Variants in NUAK1 observed in about 807,000 individuals in gnomAD.
The protein encoded by NUAK1 is NUAK family SNF1-like kinase 1.
A neutral mutation model predicts 56.9 loss-of-function variants in NUAK1; 26 were observed. That is an observed-to-expected ratio of 0.46 (90% CI 0.33 to 0.63). NUAK1 has a LOEUF of 0.63. Among genes scored for constraint, NUAK1 ranks in the 30% least tolerant of loss-of-function variants. The pLI is 0.02. For synonymous variants in NUAK1, 337 were observed against 336.0 expected (o/e 1.00, Z -0.03); for missense variants, 727 against 876.1 (o/e 0.83, Z 2.15).
chr12:106,112,250 C>G (rs2032867320), intron 1 of NUAK1, among the ~76,000 whole-genome samples: 2 of 152,064 alleles, frequency 1.3e-5, no homozygotes, highest in African/African-American at 2.4e-5. Flanking sequence ...GATCTCATAC[C>G]CAGGCACGTT....
chr12:106,072,889 TTA>T (rs753585273), intron 4 of NUAK1, 46 bp from the exon 5 acceptor site: 2 of 1,609,798 alleles, frequency 1.2e-6, no homozygotes, highest in East Asian at 4.5e-5. Flanking sequence ...GCATTCCAGA[TTA>T]TGTCTGTGTT....
chr12:106,124,157 G>A (rs1423417026), intron 1 of NUAK1, among the ~76,000 whole-genome samples: 1 of 152,108 alleles, frequency 6.6e-6, no homozygotes, highest in African/African-American at 2.4e-5. Context: ...TCTGCGGTTT[G>A]CAAAAAGCAT....
In NUAK1 at chr12:106,067,462, G is replaced by C; in HGVS notation, c.1326C>G (p.Leu442=). 1 of 1,614,222 alleles carries C rather than the reference G, an allele frequency of 6.2e-7. No individual in the cohort carries two copies. Among genetic ancestry groups the C allele is most frequent in the Non-Finnish European group, 8.5e-7 (1 of 1,180,052 alleles). The change falls in exon 7 of 7, where the codon CTC becomes CTG. Residue 442 remains leucine, a synonymous_variant. Coordinates refer to ENST00000261402, the MANE Select transcript of NUAK1 (RefSeq NM_014840.3). The surrounding 1 kb of genome is among the most constrained non-coding windows in gnomAD (Gnocchi z 6.0). Reference sequence around the variant, plus strand: ...GCACCTCTGCCTCTGGTGAGCTTGGGAGGAGCACGCCAGTCCTGCACAAGT... The same window carrying C: ...GCACCTCTGCCTCTGGTGAGCTTGGCAGGAGCACGCCAGTCCTGCACAAGT... ...EQDLCRTGVL[L]PSSPEAEVPG... is the part of the protein sequence containing the mutation.
chr12:106,098,846 G>A (rs2032720931), intron 2 of NUAK1, among the ~76,000 whole-genome samples: 1 of 152,162 alleles, frequency 6.6e-6, no homozygotes, highest in African/African-American at 2.4e-5. Context: ...CAGAACCTCA[G>A]GCAAAAACTG....
intron 1 of NUAK1, 99 bp from the exon 2 acceptor site, chr12:106,106,624 C>G: frequency 1.5e-6 from 2 of 1,293,266 alleles, no homozygotes; most frequent in Non-Finnish European, 2.1e-6. Context: ...TACTTGTTGG[C>G]AGAACTGACA....
In NUAK1 at chr12:106,065,299, G is replaced by C. The variant is rs1053496075; in HGVS notation, c.*1503C>G. ...TTAGAAATTACATATCTAGTTTTTT[G>C]TTTTGTTTTGTTTTGTTTTGTTTAC... is the stretch of plus-strand genomic sequence containing the variant. On this transcript the variant is annotated 3_prime_UTR_variant, in exon 7 of 7. Coordinates refer to ENST00000261402, the MANE Select transcript of NUAK1 (RefSeq NM_014840.3). 6.0e-5 allele frequency: 9 copies of C among 150,074 alleles called. No homozygotes were observed. Among genetic ancestry groups the C allele is most frequent in the African/African-American group, 2.3e-4 (9 of 39,656 alleles). 9.3% of individuals were successfully genotyped at this position (150,074 alleles called of 1,614,324 possible).
chr12:106,069,138 T>A (rs1259598350), intron 6 of NUAK1, among the ~76,000 whole-genome samples: 1 of 152,232 alleles, frequency 6.6e-6, no homozygotes, highest in Non-Finnish European at 1.5e-5. Flanking sequence ...CCATAGAGTC[T>A]GTATTTGCAA....
At chr12:106,102,215 G>A (rs185168945) in intron 2 of NUAK1, among the ~76,000 whole-genome samples, 23 of 152,306 alleles carry the variant, frequency 1.5e-4, no homozygotes, top group Non-Finnish European at 2.8e-4. Context: ...ACACTTGGAG[G>A]CACTGGATTC....
intron 1 of NUAK1, among the ~76,000 whole-genome samples, chr12:106,110,949 C>G (rs2032852392): frequency 6.6e-6 from 1 of 152,122 alleles, no homozygotes; most frequent in Non-Finnish European, 1.5e-5. Flanking sequence ...CCAAAAACCA[C>G]CTGCTCTGTG....
chr12:106,098,831 G>A (rs2032720795), intron 2 of NUAK1, among the ~76,000 whole-genome samples: 1 of 152,192 alleles, frequency 6.6e-6, no homozygotes, highest in Non-Finnish European at 1.5e-5. Flanking sequence ...CTTCGGTCCT[G>A]AAATCAGAAC....
chr12:106,121,992 C>A (rs1399971388), intron 1 of NUAK1, among the ~76,000 whole-genome samples: 1 of 152,160 alleles, frequency 6.6e-6, no homozygotes, highest in Non-Finnish European at 1.5e-5. Flanking sequence ...GAAAACCTAT[C>A]TTGTGTGCGA....
At chr12:106,075,469 G>A (rs370290423) in intron 4 of NUAK1, among the ~76,000 whole-genome samples, 10 of 152,122 alleles carry the variant, frequency 6.6e-5, no homozygotes, top group Admixed American at 2.6e-4. Context: ...CAGTTTTCTC[G>A]TCTGTAAAAT....
intron 2 of NUAK1, among the ~76,000 whole-genome samples, chr12:106,102,142 C>T (rs1230922338): frequency 6.6e-6 from 1 of 152,200 alleles, no homozygotes; most frequent in Non-Finnish European, 1.5e-5. Flanking sequence ...ACATGTAAGA[C>T]CCCGAGAGTT....
chr12:106,080,490 C>T (rs1038249202), intron 4 of NUAK1, among the ~76,000 whole-genome samples: 1 of 152,172 alleles, frequency 6.6e-6, no homozygotes, highest in African/African-American at 2.4e-5. Context: ...GACATGCTTC[C>T]AGAGTACGGA....
chr12:106,121,580 T>C (rs1158480246), intron 1 of NUAK1, among the ~76,000 whole-genome samples: 2 of 152,104 alleles, frequency 1.3e-5, no homozygotes, highest in Admixed American at 6.5e-5. Context: ...CAAAACCCCA[T>C]CTCTACTAAA....
intron 2 of NUAK1, 157 bp downstream of exon 2, chr12:106,106,247 AG>A: frequency 1.7e-6 from 1 of 604,250 alleles, no homozygotes; most frequent in Non-Finnish European, 2.8e-6. Context: ...GTTGTGTTCA[AG>A]GTAACCAAGT....
intron 2 of NUAK1, among the ~76,000 whole-genome samples, chr12:106,098,368 G>A (rs549437110): frequency 1.3e-5 from 2 of 152,122 alleles, no homozygotes; most frequent in Admixed American, 1.3e-4. Flanking sequence ...ACAGGGTGGG[G>A]GCATCAGATT....
rs571564929 is a variant in NUAK1, at chr12:106,137,395, G to A, written c.240+1019C>T. ...CAGTTTCTGACTTTGGCCCTAAATCGATTAGAATACATCTGATCTGCTTCA... is the reference window on the plus strand; with the variant it reads ...CAGTTTCTGACTTTGGCCCTAAATCAATTAGAATACATCTGATCTGCTTCA... On this transcript the variant is annotated intron_variant, in intron 1 of 6. Transcript: ENST00000261402. Among the ~76,000 whole-genome samples, 10 of 152,202 alleles carry A rather than the reference G, an allele frequency of 6.6e-5. No homozygotes were observed. In the East Asian group the frequency reaches 1.9e-3, roughly 29 times the overall value.
intron 4 of NUAK1, among the ~76,000 whole-genome samples, chr12:106,078,037 G>T (rs146791734): frequency 7.9e-5 from 12 of 152,174 alleles, no homozygotes; most frequent in Non-Finnish European, 1.6e-4. Flanking sequence ...CAATCACTTG[G>T]TGCTGTGAAA....
Sources: allele counts gnomAD v4.1 joint callset (sites outside exome capture counted in the v4.1 genomes callset), GRCh38; gene constraint gnomAD v4.1.1; non-coding constraint Gnocchi (gnomAD v3.1); transcripts MANE v1.5; gene names NCBI Gene and HGNC (gene_info 2026-07-23, HGNC 2026-07-21).